The following SEMA3E variants were observed in gnomAD, a reference collection of about 807,000 sequenced individuals.
The protein encoded by SEMA3E is semaphorin-3E.
Under a neutral mutation model 93.6 loss-of-function variants are expected in SEMA3E, and 49 were observed. The observed-to-expected ratio is 0.52, with a 90% CI of 0.42 to 0.66. SEMA3E has a LOEUF of 0.66. Among genes scored for constraint, SEMA3E ranks in the 30% least tolerant of loss-of-function variants. The pLI, the probability that SEMA3E is intolerant of heterozygous loss-of-function variation, is 0.00. For missense variants in SEMA3E, 906 were observed against 964.8 expected (o/e 0.94, Z 0.81); for synonymous variants, 363 against 330.7 (o/e 1.10, Z -1.06).
chr7:83,571,021 G>A (rs1170365926), intron 1 of SEMA3E, among the ~76,000 whole-genome samples: 1 of 148,156 alleles, frequency 6.7e-6, no homozygotes. Context: ...GAAGAAAGTG[G>A]AAACCTGAAA....
At chr7:83,500,555 A>G (rs1019280060) in intron 1 of SEMA3E, among the ~76,000 whole-genome samples, 4 of 150,508 alleles carry the variant, frequency 2.7e-5, no homozygotes, top group Non-Finnish European at 4.4e-5. Context: ...TTTTATAGGT[A>G]TGATCATCAT....
intron 5 of SEMA3E, among the ~76,000 whole-genome samples, chr7:83,411,427 C>T (rs1788437031): frequency 6.6e-6 from 1 of 151,934 alleles, no homozygotes; most frequent in Non-Finnish European, 1.5e-5. Context: ...GTTAGGTTTT[C>T]CTCAGAAGGG....
At chr7:83,506,848 T>A (rs1790714873) in intron 1 of SEMA3E, among the ~76,000 whole-genome samples, 2 of 152,212 alleles carry the variant, frequency 1.3e-5, no homozygotes, top group South Asian at 4.1e-4. Context: ...ATACGATAAG[T>A]TAAAATGTCT....
chr7:83,364,832 T>C lies in SEMA3E; in HGVS notation c.*2754A>G, dbSNP rs1342115020. 3 of 152,220 alleles carry C rather than the reference T, an allele frequency of 2.0e-5. No individual in the cohort carries two copies. Among genetic ancestry groups the C allele is most frequent in the Non-Finnish European group, 4.4e-5 (3 of 68,048 alleles). The allele number at this position is 152,220 out of a possible 1,614,324, so 9.4% of individuals were successfully genotyped here. A position where few individuals can be genotyped will look rare whatever the true frequency, so the allele number is the denominator to read the frequency against. On this transcript the variant is annotated 3_prime_UTR_variant, in exon 17 of 17. Transcript: ENST00000643230. ...CTAGAGAGCATGGTTTCTCTCCTTC[T>C]ACAAGAAAGAGAAAAATGGGGAAAA...
intron 4 of SEMA3E, among the ~76,000 whole-genome samples, chr7:83,422,578 T>C (rs1426411097): frequency 6.6e-6 from 1 of 152,166 alleles, no homozygotes; most frequent in Non-Finnish European, 1.5e-5. Context: ...AGATCAGGGA[T>C]ATACATATTA....
At chr7:83,462,514 T>G (rs1331580391) in intron 4 of SEMA3E, among the ~76,000 whole-genome samples, 1 of 151,932 alleles carries the variant, frequency 6.6e-6, no homozygotes, top group Non-Finnish European at 1.5e-5. Flanking sequence ...GTTCAAAGCC[T>G]CCTTCACATC....
At chr7:83,602,775 C>G (rs1263327753) in intron 1 of SEMA3E, among the ~76,000 whole-genome samples, 1 of 152,176 alleles carries the variant, frequency 6.6e-6, no homozygotes, top group Non-Finnish European at 1.5e-5. Flanking sequence ...CGCGCCCAGC[C>G]TAGAAGCACT....
At chr7:83,394,264 A>C (rs776424821) in intron 13 of SEMA3E, 33 bp downstream of exon 13, 4 of 1,469,576 alleles carry the variant, frequency 2.7e-6, no homozygotes, top group African/African-American at 2.3e-5. Flanking sequence ...TATAGAACAC[A>C]CACACCTACA....
chr7:83,440,801 CAAA>C (rs55851135), intron 4 of SEMA3E, among the ~76,000 whole-genome samples: 99 of 123,794 alleles, frequency 8.0e-4, no homozygotes, highest in Middle Eastern at 4.1e-3. Context: ...GACTCCGTCT[CAAA>C]AAAAAAAAAA....
intron 1 of SEMA3E, among the ~76,000 whole-genome samples, chr7:83,647,161 T>C (rs904489636): frequency 1.3e-5 from 2 of 152,142 alleles, no homozygotes. Context: ...TAAATTTATA[T>C]TATCTACTGG....
chr7:83,639,109 T>TGAAAAAAAA (rs1562865948), intron 1 of SEMA3E, among the ~76,000 whole-genome samples: 1 of 15,596 alleles, frequency 6.4e-5, no homozygotes, highest in Non-Finnish European at 1.1e-4. Flanking sequence ...AGACTCCGTC[T>TGAAAAAAAA]CAAAAAAAAA....
intron 1 of SEMA3E, among the ~76,000 whole-genome samples, chr7:83,564,254 A>G (rs1295395374): frequency 6.6e-6 from 1 of 152,100 alleles, no homozygotes. Context: ...CCCTGTCCCT[A>G]TTAAAAACAC....
intron 11 of SEMA3E, among the ~76,000 whole-genome samples, chr7:83,398,644 T>C (rs1005011974): frequency 6.6e-6 from 1 of 152,190 alleles, no homozygotes; most frequent in African/African-American, 2.4e-5. Context: ...AAATCTTTGT[T>C]TTAAAAAACA....
chr7:83,533,160 AT>A, intron 1 of SEMA3E, among the ~76,000 whole-genome samples: 1 of 152,164 alleles, frequency 6.6e-6, no homozygotes, highest in Admixed American at 6.5e-5. Context: ...TTAGGGTATC[AT>A]GTGCAGTCCC....
chr7:83,411,159 C>A (rs1044943725), intron 5 of SEMA3E, among the ~76,000 whole-genome samples: 2 of 152,020 alleles, frequency 1.3e-5, no homozygotes, highest in African/African-American at 4.8e-5. Context: ...AATTAACAAA[C>A]AAGTATTCCT....
At chr7:83,373,616 C>T (rs911744320) in intron 16 of SEMA3E, among the ~76,000 whole-genome samples, 22 of 152,044 alleles carry the variant, frequency 1.4e-4, no homozygotes, top group African/African-American at 4.3e-4. Context: ...GGAAAAACAA[C>T]GCTTATTTTA....
intron 1 of SEMA3E, among the ~76,000 whole-genome samples, chr7:83,533,260 G>A (rs1444039189): frequency 2.6e-5 from 4 of 152,044 alleles, no homozygotes; most frequent in Non-Finnish European, 5.9e-5. Flanking sequence ...CAAAACAGGG[G>A]GCCAGGTGCA....
At chr7:83,435,533 CT>C (rs1332275067) in intron 4 of SEMA3E, among the ~76,000 whole-genome samples, 1 of 151,894 alleles carries the variant, frequency 6.6e-6, no homozygotes, top group Non-Finnish European at 1.5e-5. Flanking sequence ...CAGGCAGAGG[CT>C]GCAGTGAGAC....
At chr7:83,538,634 G>T (rs115058612) in intron 1 of SEMA3E, among the ~76,000 whole-genome samples, 1 of 152,036 alleles carries the variant, frequency 6.6e-6, no homozygotes, top group African/African-American at 2.4e-5. Context: ...GATATAAAAT[G>T]TATCAATAAT....
Sources: allele counts gnomAD v4.1 joint callset (sites outside exome capture counted in the v4.1 genomes callset), GRCh38; gene constraint gnomAD v4.1.1; transcripts MANE v1.5; gene names NCBI Gene and HGNC (gene_info 2026-07-23, HGNC 2026-07-21).